Variants in FRYL observed in about 807,000 individuals in gnomAD.
FRYL encodes FRY like transcription coactivator.
A neutral mutation model predicts 351.2 loss-of-function variants in FRYL; 150 were observed. The ratio of observed to expected loss-of-function variants is 0.43; its 90% confidence interval spans 0.37 to 0.49. FRYL has a LOEUF of 0.49. Among genes scored for constraint, FRYL ranks in the 20% least tolerant of loss-of-function variants. The pLI, the probability that FRYL is intolerant of heterozygous loss-of-function variation, is 0.00. For synonymous variants in FRYL, 1,153 were observed against 1,257.1 expected (o/e 0.92, Z 1.75); for missense variants, 3,036 against 3,619.3 (o/e 0.84, Z 4.13).
chr4:48,758,285 G>C (rs1774013596), intron 1 of FRYL, among the ~76,000 whole-genome samples: 1 of 152,236 alleles, frequency 6.6e-6, no homozygotes, highest in East Asian at 1.9e-4. Flanking sequence ...CCATCAGAGT[G>C]AACAGGCAAC....
Position 48,510,973 on chromosome 4 carries a change from T to G in FRYL, c.8157A>C (p.Arg2719Ser), listed in dbSNP as rs1334074965. 3 of 1,611,362 alleles carry G rather than the reference T, an allele frequency of 1.9e-6. No homozygotes were observed. Among genetic ancestry groups the G allele is most frequent in the Non-Finnish European group, 1.7e-6 (2 of 1,178,836 alleles). ...VFSRLFQTIQRKFGEITNEAV... is the reference protein window; with the variant it reads ...VFSRLFQTIQSKFGEITNEAV... ...CCTCATTAGTTATTTCTCCAAACTT[T>G]CTTTGAATTGTCTATGGAGAAAAGC... Residue 2719 changes from arginine to serine, a missense_variant, in exon 58 of 64, where the codon AGA becomes AGC. Arg to Ser is a moderately radical substitution (Grantham distance 110). Transcript: ENST00000358350.
At chr4:48,621,359 A>G (rs1424270586) in intron 5 of FRYL, among the ~76,000 whole-genome samples, 3 of 152,218 alleles carry the variant, frequency 2.0e-5, no homozygotes, top group African/African-American at 7.2e-5. Flanking sequence ...CATAAATGAT[A>G]AGTGTACTGT....
intron 1 of FRYL, among the ~76,000 whole-genome samples, chr4:48,763,044 T>G (rs1242999791): frequency 6.8e-6 from 1 of 146,158 alleles, no homozygotes; most frequent in African/African-American, 2.5e-5. Flanking sequence ...AAAGAAAGAA[T>G]TATGTTGACT....
chr4:48,587,203 T>C (rs1205518318), intron 18 of FRYL, among the ~76,000 whole-genome samples: 3 of 152,194 alleles, frequency 2.0e-5, no homozygotes, highest in African/African-American at 4.8e-5. Flanking sequence ...ATCTCATACA[T>C]AGGTGTTTAT....
chr4:48,583,549 T>C (rs925832507), intron 19 of FRYL, among the ~76,000 whole-genome samples: 6 of 151,874 alleles, frequency 4.0e-5, no homozygotes, highest in East Asian at 1.9e-4. Context: ...ACAATAATTA[T>C]TGAAGGTCAG....
chr4:48,746,007 A>C (rs1375676740), intron 1 of FRYL, among the ~76,000 whole-genome samples: 2 of 152,220 alleles, frequency 1.3e-5, no homozygotes, highest in Non-Finnish European at 2.9e-5. Context: ...ATGAGTCCTG[A>C]ATTTGAGTCC....
At chr4:48,591,570 C>G (rs577414860) in intron 16 of FRYL, among the ~76,000 whole-genome samples, 4 of 152,170 alleles carry the variant, frequency 2.6e-5, no homozygotes, top group Non-Finnish European at 4.4e-5. Context: ...TCCTGAAACA[C>G]TCCCTTCCTT....
At chr4:48,703,771 T>G (rs1273570167) in intron 2 of FRYL, among the ~76,000 whole-genome samples, 1 of 152,154 alleles carries the variant, frequency 6.6e-6, no homozygotes, top group Non-Finnish European at 1.5e-5. Flanking sequence ...GAACACCTAC[T>G]CCCCTCTTAG....
intron 56 of FRYL, among the ~76,000 whole-genome samples, chr4:48,513,797 A>G (rs1444062067): frequency 6.6e-6 from 1 of 152,248 alleles, no homozygotes; most frequent in Non-Finnish European, 1.5e-5. Context: ...ATATACTATA[A>G]GCTAGGGTAG....
intron 3 of FRYL, among the ~76,000 whole-genome samples, chr4:48,656,922 C>G (rs1759350331): frequency 1.3e-5 from 2 of 152,072 alleles, no homozygotes; most frequent in South Asian, 4.1e-4. Flanking sequence ...GGCAGAGCCT[C>G]ATTCTCTCAA....
Position 48,671,877 on chromosome 4 carries a change from A to AC in FRYL, c.-81+12795_-81+12796insG, listed in dbSNP as rs1158042753. ...CAAAAACAAAAAAAAAAAAAACAAA[A>AC]AAAAAAAAAAAAAAGAAGGAAAGAC... On this transcript the variant is annotated intron_variant, in intron 3 of 63. Transcript: ENST00000358350. Among the ~76,000 whole-genome samples, 103 of 147,392 alleles carry AC rather than the reference A, an allele frequency of 7.0e-4. 4 individuals are homozygous for AC. The highest frequency in any genetic ancestry group is 3.0e-3 in the South Asian group (14 of 4,634).
intron 1 of FRYL, among the ~76,000 whole-genome samples, chr4:48,731,174 T>G (rs1031284920): frequency 2.0e-5 from 3 of 152,022 alleles, no homozygotes; most frequent in Non-Finnish European, 4.4e-5. Flanking sequence ...GAGCTAAGTA[T>G]CCTAAATACA....
intron 19 of FRYL, among the ~76,000 whole-genome samples, 159 bp downstream of exon 19, chr4:48,586,462 A>C (rs1742132433): frequency 6.6e-6 from 1 of 152,204 alleles, no homozygotes; most frequent in African/African-American, 2.4e-5. Flanking sequence ...TTTAACAACA[A>C]CAAAAAAAGA....
chr4:48,665,787 T>C (rs1414720251), intron 3 of FRYL, among the ~76,000 whole-genome samples: 1 of 152,168 alleles, frequency 6.6e-6, no homozygotes, highest in Non-Finnish European at 1.5e-5. Flanking sequence ...CTACCCAGGG[T>C]GTACGGAGAC....
At chr4:48,670,072 G>A (rs1158061257) in intron 3 of FRYL, among the ~76,000 whole-genome samples, 2 of 152,080 alleles carry the variant, frequency 1.3e-5, no homozygotes, top group African/African-American at 4.8e-5. Flanking sequence ...ATCACCTCAA[G>A]CATTTATCCT....
Position 48,535,809 on chromosome 4 carries a change from A to C in FRYL, c.6412T>G (p.Cys2138Gly). Residue 2138 changes from cysteine to glycine, a missense_variant, in exon 48 of 64, where the codon TGC (cysteine) becomes GGC (glycine). Cys to Gly is a radical substitution (Grantham distance 159). Around this residue, in one of 7 missense-constraint regions of FRYL, gnomAD observed 1,987 missense variants for 2,311.7 expected, o/e 0.86. Transcript: ENST00000358350. The stretch of plus-strand genomic sequence containing the variant: ...TGTGCCAGATTGACAAGTGTTGGGC[A>C]TTTTTCTTCTGCACAAACCTAGAAA... The part of the protein sequence containing the change: ...RIAKVCAEEK[C>G]PTLVNLAHMM... 6.5e-7 allele frequency: 1 copy of C among 1,543,218 alleles called. No homozygotes were observed.
rs1325578942 is a variant in FRYL, at chr4:48,732,783, G to C, written c.-383-22085C>G. On this transcript the variant is annotated intron_variant, in intron 1 of 63. Coordinates refer to ENST00000358350, the MANE Select transcript of FRYL (RefSeq NM_015030.2). ...ATACACTGGAGCCTGTGGGGGGTGG[G>C]GGGCTAGGGGAGGGATAACATTAGA... 4.0e-5 allele frequency among the ~76,000 whole-genome samples: 6 copies of C among 151,546 alleles called. No individual in the cohort carries two copies. The East Asian group carries it at 1.2e-3, about 29-fold the overall frequency.
At chr4:48,619,486 T>C in intron 6 of FRYL, 116 bp from the exon 7 acceptor site, 1 of 542,948 alleles carries the variant, frequency 1.8e-6, no homozygotes, top group Non-Finnish European at 3.2e-6. Context: ...GCTACAGCAA[T>C]TGTTAATATG....
In FRYL at chr4:48,510,876, G is replaced by A. The variant is rs756729932; in HGVS notation, c.8254C>T (p.Leu2752=). 9 of 1,613,108 alleles carry A rather than the reference G, an allele frequency of 5.6e-6. 1 individual carries two copies. Among genetic ancestry groups the A allele is most frequent in the South Asian group, 3.3e-5 (3 of 90,958 alleles). Residue 2752 remains leucine (L), a synonymous_variant, in exon 58 of 64, where the codon CTG becomes TTG. Transcript: ENST00000358350. Reference sequence around the variant, plus strand: ...AAGACTGTTGGGCATTCTGAACACAGCATCATCACTTCCAAGGAACTTTTA... The same window carrying A: ...AAGACTGTTGGGCATTCTGAACACAACATCATCACTTCCAAGGAACTTTTA... The part of the protein sequence containing the change: ...KFKSSLEVMM[L]CSECPTVFVD...
Sources: gnomAD v4.1 joint callset for allele counts (sites outside exome capture counted in the v4.1 genomes callset) on GRCh38, gnomAD v4.1.1 for gene constraint, gnomAD v4.1.1 regional missense constraint, MANE v1.5 for transcripts, NCBI Gene and HGNC (gene_info 2026-07-23, HGNC 2026-07-21) for gene names.